SOX5: variants seen among roughly 807,000 people sequenced by gnomAD.
SOX5 encodes transcription factor SOX-5.
SOX5 carries 9 observed loss-of-function variants against 92.0 expected under a neutral mutation model. The ratio of observed to expected loss-of-function variants is 0.10; its 90% confidence interval spans 0.06 to 0.17. The LOEUF (loss-of-function observed/expected upper bound fraction) is 0.17. Among genes scored for constraint, SOX5 ranks in the 10% least tolerant of loss-of-function variants. The pLI is 1.00. For missense variants in SOX5, 642 were observed against 944.5 expected (o/e 0.68, Z 4.20); for synonymous variants, 344 against 336.3 (o/e 1.02, Z -0.25).
chr12:23,641,207 C>A (rs1039923450), intron 7 of SOX5, among the ~76,000 whole-genome samples: 5 of 152,118 alleles, frequency 3.3e-5, no homozygotes, highest in South Asian at 4.1e-4. Flanking sequence ...CGTGCACACA[C>A]ACACACACAA....
intron 8 of SOX5, among the ~76,000 whole-genome samples, chr12:23,631,630 T>C (rs981947685): frequency 3.9e-5 from 6 of 152,096 alleles, no homozygotes; most frequent in African/African-American, 1.2e-4. Context: ...GGAATGGGCA[T>C]GGACTTGTGA....
intron 6 of SOX5, among the ~76,000 whole-genome samples, chr12:23,674,933 T>C (rs2085419579): frequency 6.6e-6 from 1 of 152,146 alleles, no homozygotes; most frequent in Non-Finnish European, 1.5e-5. Flanking sequence ...AACATAGTAA[T>C]TGCCATTTGG....
At chr12:24,020,741 C>T (rs1007920008) in intron 4 of SOX5, among the ~76,000 whole-genome samples, 4 of 152,144 alleles carry the variant, frequency 2.6e-5, no homozygotes, top group African/African-American at 7.2e-5. Context: ...CATCCGGAGT[C>T]GCTTAATCAA....
At chr12:24,204,224 C>A (rs1363110884) in intron 4 of SOX5, among the ~76,000 whole-genome samples, 1 of 152,026 alleles carries the variant, frequency 6.6e-6, no homozygotes, top group Non-Finnish European at 1.5e-5. Flanking sequence ...GCCTCCTCTG[C>A]ATGAACATTT....
At chr12:24,472,672 T>A (rs1469318663) in intron 1 of SOX5, among the ~76,000 whole-genome samples, 6 of 152,228 alleles carry the variant, frequency 3.9e-5, no homozygotes, top group Admixed American at 6.5e-5. Context: ...GAATTTTTCA[T>A]CTTTCTAGCC....
intron 4 of SOX5, among the ~76,000 whole-genome samples, chr12:23,978,971 T>G (rs1949214341): frequency 6.6e-6 from 1 of 152,188 alleles, no homozygotes; most frequent in African/African-American, 2.4e-5. Flanking sequence ...TTTCTGAACT[T>G]AAATATTATA....
chr12:23,704,715 T>TATATATATATATAC (rs1434949526), intron 6 of SOX5, among the ~76,000 whole-genome samples: 46 of 108,350 alleles, frequency 4.2e-4, no homozygotes, highest in African/African-American at 1.3e-3. Flanking sequence ...TATATATATA[T>TATATATATATATAC]ACACACACAC....
intron 4 of SOX5, among the ~76,000 whole-genome samples, chr12:23,970,230 C>CTTT (rs58753796): frequency 1.7e-4 from 26 of 149,452 alleles, no homozygotes; most frequent in African/African-American, 4.9e-4. Context: ...CAGCTGACTT[C>CTTT]TTTTTTTTTT....
chr12:23,668,128 A>C (rs1477768707), intron 6 of SOX5, among the ~76,000 whole-genome samples: 2 of 152,220 alleles, frequency 1.3e-5, no homozygotes, highest in Non-Finnish European at 2.9e-5. Flanking sequence ...TGACTTACGC[A>C]GAAGACTATG....
chr12:23,998,584 C>T (rs1951264812), intron 4 of SOX5, among the ~76,000 whole-genome samples: 1 of 151,928 alleles, frequency 6.6e-6, no homozygotes, highest in African/African-American at 2.4e-5. Context: ...GCTGGTGGAT[C>T]ACGAGGTCAG....
At chr12:23,984,425 C>T (rs756222922) in intron 4 of SOX5, among the ~76,000 whole-genome samples, 1 of 152,126 alleles carries the variant, frequency 6.6e-6, no homozygotes, top group East Asian at 1.9e-4. Flanking sequence ...CTGGGTGACT[C>T]GGAAATCCAC....
At chr12:23,553,045 T>C (rs1219261068) in intron 11 of SOX5, among the ~76,000 whole-genome samples, 2 of 152,018 alleles carry the variant, frequency 1.3e-5, no homozygotes, top group Admixed American at 1.3e-4. Flanking sequence ...CTTTTTCAGG[T>C]TCTTGTGTAA....
chr12:23,971,384 A>T (rs1948323291), intron 4 of SOX5, among the ~76,000 whole-genome samples: 1 of 151,590 alleles, frequency 6.6e-6, no homozygotes, highest in Non-Finnish European at 1.5e-5. Flanking sequence ...AGCCTCCCAA[A>T]GTGCTGGGAT....
chr12:23,736,674 C>T (rs1420281044), intron 5 of SOX5, among the ~76,000 whole-genome samples: 2 of 149,080 alleles, frequency 1.3e-5, no homozygotes, highest in African/African-American at 2.5e-5. Context: ...AAAAAAAACA[C>T]ATTTTGTTCT....
At chr12:24,001,720 G>A (rs1425248726) in intron 4 of SOX5, among the ~76,000 whole-genome samples, 3 of 152,188 alleles carry the variant, frequency 2.0e-5, no homozygotes, top group Admixed American at 6.6e-5. Context: ...TTGTGTATTT[G>A]TGTGTTTGTG....
At chr12:24,377,029 G>T (rs1475580263) in intron 1 of SOX5, among the ~76,000 whole-genome samples, 1 of 152,004 alleles carries the variant, frequency 6.6e-6, no homozygotes, top group African/African-American at 2.4e-5. Flanking sequence ...GCCATCCTCT[G>T]CCCTAAACGT....
rs73280141 is a variant in SOX5, at chr12:23,884,779, A to T, written c.270+11014T>A. Among the ~76,000 whole-genome samples, 716 of 152,302 alleles carry T rather than the reference A, an allele frequency of 4.7e-3. 5 individuals carry two copies. The highest frequency in any genetic ancestry group is 0.016 in the African/African-American group (685 of 41,568). On this transcript the variant is annotated intron_variant, in intron 2 of 14. Coordinates refer to ENST00000451604, the MANE Select transcript of SOX5 (RefSeq NM_006940.6). ...TTTTCCATCTGTAAATTGGGGATAA[A>T]CGTAGTTGCTGAACTCACTGGGTTA...
Position 24,349,190 on chromosome 12 carries a change from G to A in SOX5, c.-174+19373C>T, listed in dbSNP as rs763340679. ...TTCTCAGCATGGTTCATGTCTCAGAGACGTCTTTGCTAAACAATTCATCTA... is the reference window on the plus strand; with the variant it reads ...TTCTCAGCATGGTTCATGTCTCAGAAACGTCTTTGCTAAACAATTCATCTA... On this transcript the variant is annotated intron_variant, in intron 2 of 4. Coordinates refer to the SOX5 transcript ENST00000446891. Among the ~76,000 whole-genome samples the A allele has an allele frequency of 9.0e-4, 137 of 152,312 alleles. 1 individual carries two copies. Among genetic ancestry groups the A allele is most frequent in the Middle Eastern group, 6.8e-3 (2 of 294 alleles).
At chr12:23,558,754 CA>C (rs1945680326) in intron 11 of SOX5, among the ~76,000 whole-genome samples, 1 of 152,180 alleles carries the variant, frequency 6.6e-6, no homozygotes, top group African/African-American at 2.4e-5. Flanking sequence ...AGGCTTGCGC[CA>C]CCACACCTGG....
Sources: gnomAD v4.1 joint callset for allele counts (sites outside exome capture counted in the v4.1 genomes callset) on GRCh38, gnomAD v4.1.1 for gene constraint, MANE v1.5 for transcripts, NCBI Gene and HGNC (gene_info 2026-07-23, HGNC 2026-07-21) for gene names.